XKR9: variants seen among roughly 807,000 people sequenced by gnomAD.
XKR9 encodes XK related 9, also known as XK-related protein 9.
In XKR9, 32 loss-of-function variants were observed where a neutral mutation model predicts 32.0. The ratio of observed to expected loss-of-function variants is 1.00; its 90% CI spans 0.76 to 1.34. The LOEUF (loss-of-function observed/expected upper bound fraction) is 1.34. Among genes scored for constraint, XKR9 ranks in the 40% most tolerant of loss-of-function variants. The pLI is 0.00. For missense variants in XKR9, 546 were observed against 429.7 expected, an observed-to-expected ratio of 1.27 and a Z score of -2.39; for synonymous variants, 168 against 143.4, an observed-to-expected ratio of 1.17 and a Z score of -1.22.
the XKR9 span, among the ~76,000 whole-genome samples, chr8:70,931,342 G>A: frequency 1.3e-5 from 2 of 152,130 alleles, no homozygotes; most frequent in African/African-American, 4.8e-5. Context: ...GGCTGGATAT[G>A]TCCATCTATA....
chr8:70,746,136 A>C (rs1040656141), intron 2 of XKR9, among the ~76,000 whole-genome samples: 12 of 151,548 alleles, frequency 7.9e-5, no homozygotes, highest in African/African-American at 2.9e-4. Context: ...TACTTTTTTA[A>C]AATGTTAAAC....
At chr8:70,869,579 G>A in the XKR9 span, among the ~76,000 whole-genome samples, 2 of 152,174 alleles carry the variant, frequency 1.3e-5, no homozygotes, top group East Asian at 1.9e-4. Context: ...TGAGATTTGG[G>A]TGAGGACACA....
At chr8:71,058,057 T>C in the XKR9 span, among the ~76,000 whole-genome samples, 1 of 151,944 alleles carries the variant, frequency 6.6e-6, no homozygotes, top group Non-Finnish European at 1.5e-5. Context: ...GGCGGGCGCC[T>C]GTAGTCCCAA....
chr8:70,870,693 T>C, the XKR9 span, among the ~76,000 whole-genome samples: 1 of 152,228 alleles, frequency 6.6e-6, no homozygotes, highest in Admixed American at 6.5e-5. Context: ...TGGAGATTCA[T>C]AATGAATGAC....
chr8:71,052,598 G>C, the XKR9 span, among the ~76,000 whole-genome samples: 1 of 152,310 alleles, frequency 6.6e-6, no homozygotes, highest in Admixed American at 6.5e-5. Context: ...CAGGCAGTCA[G>C]TATTCAAGCA....
In XKR9 at chr8:70,734,386, C is replaced by G. The variant is rs1007319569; in HGVS notation, c.1084C>G (p.Leu362Val). The change falls in exon 5 of 5, where the codon CTA (leucine) becomes GTA (valine). Residue 362 changes from leucine (L) to valine (V), a missense_variant. By Grantham distance (32) the Leu-to-Val change is conservative. Coordinates refer to ENST00000408926, the MANE Select transcript of XKR9 (RefSeq NM_001011720.2). ...TGATGAAATTGATGGAAAACCAGTT[C>G]TAAGAGAATGTAGAATGAGATATTT... Reference protein sequence around the residue: ...KCDEIDGKPVLRECRMRYFLM... With the variant: ...KCDEIDGKPVVRECRMRYFLM... 1 of 1,604,404 alleles carries G rather than the reference C, an allele frequency of 6.2e-7. No individual in the cohort carries two copies. Among genetic ancestry groups the G allele is most frequent in the Non-Finnish European group, 8.5e-7 (1 of 1,177,984 alleles).
At chr8:70,868,233 A>G in the XKR9 span, among the ~76,000 whole-genome samples, 1 of 152,116 alleles carries the variant, frequency 6.6e-6, no homozygotes, top group Non-Finnish European at 1.5e-5. Context: ...CCCTCTTCTC[A>G]CAGTTCCACT....
At chr8:70,790,345 A>T (rs1336240503) in exon 4 of XKR9, 1 of 152,090 alleles carries the variant, frequency 6.6e-6, no homozygotes, top group East Asian at 1.9e-4. Context: ...ATATAAAAGT[A>T]TTAGAAGTTA....
the XKR9 span, among the ~76,000 whole-genome samples, chr8:70,975,087 A>G: frequency 4.0e-5 from 6 of 151,744 alleles, no homozygotes; most frequent in South Asian, 1.2e-3. Context: ...GATGGGGTTG[A>G]TTGATTTTTT....
At chr8:70,707,769 C>A (rs1805771291) in intron 4 of XKR9, among the ~76,000 whole-genome samples, 1 of 151,826 alleles carries the variant, frequency 6.6e-6, no homozygotes, top group East Asian at 1.9e-4. Flanking sequence ...TGCAAGTTGG[C>A]CAATGTGTTT....
the XKR9 span, among the ~76,000 whole-genome samples, chr8:70,818,253 A>T: frequency 1.3e-5 from 2 of 151,296 alleles, no homozygotes; most frequent in Non-Finnish European, 2.9e-5. Flanking sequence ...TTCAAGTTTC[A>T]GGTTAAATTC....
At chr8:70,884,311 A>G in the XKR9 span, among the ~76,000 whole-genome samples, 1 of 152,114 alleles carries the variant, frequency 6.6e-6, no homozygotes, top group African/African-American at 2.4e-5. Flanking sequence ...CAAATATTTT[A>G]TCCCAGTCTA....
At chr8:70,684,097 T>A (rs974269100) in intron 3 of XKR9, among the ~76,000 whole-genome samples, 2 of 152,200 alleles carry the variant, frequency 1.3e-5, no homozygotes, top group African/African-American at 4.8e-5. Flanking sequence ...TTTCTCTTTA[T>A]CTGTGGGTTT....
intron 2 of XKR9, among the ~76,000 whole-genome samples, chr8:70,767,440 G>A (rs1363209354): frequency 6.6e-6 from 1 of 150,782 alleles, no homozygotes; most frequent in Non-Finnish European, 1.5e-5. Flanking sequence ...GAGATCAGTG[G>A]TGATACCCCC....
At chr8:70,786,973 C>T (rs528839218) in intron 2 of XKR9, among the ~76,000 whole-genome samples, 31 of 152,104 alleles carry the variant, frequency 2.0e-4, no homozygotes, top group Admixed American at 5.9e-4. Context: ...AATGTGTTTT[C>T]GAATATGGCT....
Position 70,733,889 on chromosome 8 carries a change from T to C in XKR9, c.587T>C (p.Leu196Pro). 1 of 1,611,868 alleles carries C rather than the reference T, an allele frequency of 6.2e-7. No individual in the cohort carries two copies. The highest frequency in any genetic ancestry group is 8.5e-7 in the Non-Finnish European group (1 of 1,179,458). ...AAATCCTTGCCTGACAAAAAGCTTCTTAATGGATTATGTCCCAAAATCACA... is the reference window on the plus strand; with the variant it reads ...AAATCCTTGCCTGACAAAAAGCTTCCTAATGGATTATGTCCCAAAATCACA... The part of the protein sequence containing the change: ...LRKSLPDKKL[L>P]NGLCPKITYL... Residue 196 changes from leucine to proline, a missense_variant, in exon 5 of 5, where the codon CTT (leucine) becomes CCT (proline). Leu to Pro is a moderately conservative substitution (Grantham distance 98). Transcript: ENST00000408926.
At chr8:70,691,804 T>C (rs1419056569) in intron 3 of XKR9, among the ~76,000 whole-genome samples, 6 of 152,212 alleles carry the variant, frequency 3.9e-5, no homozygotes, top group Non-Finnish European at 8.8e-5. Flanking sequence ...CATATTGTTT[T>C]GGTCATTATA....
chr8:70,858,318 A>G, the XKR9 span, among the ~76,000 whole-genome samples: 2 of 152,122 alleles, frequency 1.3e-5, no homozygotes, highest in East Asian at 3.9e-4. Flanking sequence ...CCTATATACC[A>G]ATAACAGACA....
the XKR9 span, among the ~76,000 whole-genome samples, chr8:70,845,678 A>G: frequency 6.6e-6 from 1 of 152,164 alleles, no homozygotes; most frequent in South Asian, 2.1e-4. Flanking sequence ...ACAATAGACT[A>G]GAGCAAACAG....
Sources: allele counts gnomAD v4.1 joint callset (sites outside exome capture counted in the v4.1 genomes callset), GRCh38; gene constraint gnomAD v4.1.1; transcripts MANE v1.5; gene names NCBI Gene and HGNC (gene_info 2026-07-23, HGNC 2026-07-21).